The following NDUFS6 variants were observed in gnomAD, a reference collection of about 807,000 sequenced individuals.
NDUFS6 encodes NADH:ubiquinone oxidoreductase subunit S6.
In NDUFS6, 14 loss-of-function variants were observed where a neutral mutation model predicts 13.2. The ratio of observed to expected loss-of-function variants is 1.06; its 90% CI spans 0.70 to 1.66. The LOEUF (loss-of-function observed/expected upper bound fraction) is 1.66. Ranked by LOEUF, NDUFS6 falls within the 40% of genes most tolerant of loss-of-function variation. NDUFS6 has a pLI of 0.00. For synonymous variants in NDUFS6, 95 were observed against 72.3 expected, an observed-to-expected ratio of 1.31 and a Z score of -1.60; for missense variants, 206 against 170.8, an observed-to-expected ratio of 1.21 and a Z score of -1.15.
intron 2 of NDUFS6, among the ~76,000 whole-genome samples, chr5:1,803,328 A>C (rs1426545207): frequency 1.3e-5 from 2 of 152,190 alleles, no homozygotes; most frequent in Non-Finnish European, 2.9e-5. Context: ...ATAGTGGTTG[A>C]TTATTTGGCA....
At chr5:1,803,956 G>A (rs1161845684) in intron 2 of NDUFS6, among the ~76,000 whole-genome samples, 1 of 152,140 alleles carries the variant, frequency 6.6e-6, no homozygotes, top group East Asian at 1.9e-4. Context: ...TGTGGATGCG[G>A]TATGGTTTCT....
At chr5:1,809,565 A>C (rs137982820) in intron 2 of NDUFS6, among the ~76,000 whole-genome samples, 1 of 152,194 alleles carries the variant, frequency 6.6e-6, no homozygotes, top group African/African-American at 2.4e-5. Flanking sequence ...TGAGCTGCGC[A>C]CACTAAATGA....
Position 1,814,813 on chromosome 5 carries a change from C to T in NDUFS6, c.309+352C>T. 1.5e-6 allele frequency: 1 copy of T among 649,456 alleles called. No individual in the cohort carries two copies. The highest frequency in any genetic ancestry group is 2.8e-6 in the Non-Finnish European group (1 of 359,874). 40.2% of individuals were successfully genotyped at this position (649,456 alleles called of 1,614,324 possible). On this transcript the variant is annotated intron_variant, in intron 3 of 3. Coordinates refer to ENST00000274137, the MANE Select transcript of NDUFS6 (RefSeq NM_004553.6). The surrounding 1 kb of genome is among the most constrained non-coding windows in gnomAD (Gnocchi z 4.9). ...TCGAAAACAACAAACACATTTCCCA[C>T]AGCGCTGGAGGCTGCAGCCCAAGAC... is the stretch of plus-strand genomic sequence containing the variant.
At chr5:1,807,086 A>G (rs960035565) in intron 2 of NDUFS6, among the ~76,000 whole-genome samples, 2 of 49,544 alleles carry the variant, frequency 4.0e-5, no homozygotes, top group Admixed American at 4.8e-4. Flanking sequence ...AGGGACCAGA[A>G]CAGTCGCTTC....
In NDUFS6 at chr5:1,814,683, G is replaced by C; in HGVS notation, c.309+222G>C. 1.3e-6 allele frequency: 1 copy of C among 750,244 alleles called. No homozygotes were observed. Among genetic ancestry groups the C allele is most frequent in the Non-Finnish European group, 2.3e-6 (1 of 428,594 alleles). The allele number at this position is 750,244 out of a possible 1,614,324, so 46.5% of individuals were successfully genotyped here. A position where few individuals can be genotyped will look rare whatever the true frequency, so the allele number is the denominator to read the frequency against. On this transcript the variant is annotated intron_variant, in intron 3 of 3. Coordinates refer to ENST00000274137, the MANE Select transcript of NDUFS6 (RefSeq NM_004553.6). This position sits in a 1 kb window ranked among gnomAD's most constrained non-coding sequence, Gnocchi z 4.9. ...CCTTTCAACTGTGAAGTGGTGGGCG[G>C]CATGTTTCTCTTCTCGGACGCCCAA...
intron 2 of NDUFS6, among the ~76,000 whole-genome samples, chr5:1,804,455 C>G (rs537138205): frequency 1.3e-5 from 2 of 152,342 alleles, no homozygotes; most frequent in African/African-American, 4.8e-5. Context: ...GGCAGCTCAC[C>G]CAGGGCGTCC....
intron 2 of NDUFS6, among the ~76,000 whole-genome samples, chr5:1,812,824 G>T (rs1002682625): frequency 6.6e-6 from 1 of 151,654 alleles, no homozygotes; most frequent in African/African-American, 2.4e-5. Flanking sequence ...AGGCCGAGGC[G>T]GGCGGATCAC....
At chr5:1,806,608 T>G (rs1307983455) in intron 2 of NDUFS6, among the ~76,000 whole-genome samples, 1 of 134,372 alleles carries the variant, frequency 7.4e-6, no homozygotes, top group Admixed American at 7.3e-5. Flanking sequence ...TGGAAATAAT[T>G]GAGTAGTGCT....
At chr5:1,801,746 G>C (rs1239057789) in intron 1 of NDUFS6, among the ~76,000 whole-genome samples, 197 bp downstream of exon 1, 2 of 152,238 alleles carry the variant, frequency 1.3e-5, no homozygotes, top group Non-Finnish European at 2.9e-5. Context: ...GGTGGGTCTC[G>C]TCCTTCCAGG....
chr5:1,805,058 A>G (rs1266744158), intron 2 of NDUFS6, among the ~76,000 whole-genome samples: 1 of 152,242 alleles, frequency 6.6e-6, no homozygotes, highest in Admixed American at 6.5e-5. Flanking sequence ...GGCCAGGCAC[A>G]GTAGGCTTAT....
In NDUFS6 at chr5:1,807,980, A is replaced by G. The variant is rs189306149; in HGVS notation, c.186+5606A>G. Among the ~76,000 whole-genome samples, 31 of 152,222 alleles carry G rather than the reference A, an allele frequency of 2.0e-4. No homozygotes were observed. The East Asian group carries it at 5.8e-3, about 28-fold the overall frequency. ...GTGCCGCTGGAGCTCCAGGTGGGAG[A>G]CAGGACTGGGAGTCGGGGATGGGTG... On this transcript the variant is annotated intron_variant, in intron 2 of 3. Coordinates refer to ENST00000274137, the MANE Select transcript of NDUFS6 (RefSeq NM_004553.6).
intron 2 of NDUFS6, among the ~76,000 whole-genome samples, chr5:1,809,622 C>G (rs1233924038): frequency 6.6e-6 from 1 of 152,240 alleles, no homozygotes; most frequent in African/African-American, 2.4e-5. Flanking sequence ...CGTCAGCAGC[C>G]CTCCCTGCAG....
At chr5:1,802,520 T>G in intron 2 of NDUFS6, 146 bp downstream of exon 2, 1 of 630,120 alleles carries the variant, frequency 1.6e-6, no homozygotes, top group Non-Finnish European at 2.7e-6. Context: ...TCTTCCTTTC[T>G]TAAAATCTTA....
intron 2 of NDUFS6, among the ~76,000 whole-genome samples, chr5:1,810,421 C>G (rs1449390892): frequency 6.6e-6 from 1 of 152,200 alleles, no homozygotes; most frequent in Non-Finnish European, 1.5e-5. Flanking sequence ...TTCTTCGTGC[C>G]TTGTCTTCCT....
chr5:1,807,348 G>A (rs1331536632), intron 2 of NDUFS6, among the ~76,000 whole-genome samples: 3 of 152,210 alleles, frequency 2.0e-5, no homozygotes, highest in African/African-American at 7.2e-5. Flanking sequence ...GGAAGGTTCT[G>A]GAGATGGGTG....
chr5:1,806,192 T>G (rs1331185660), intron 2 of NDUFS6, among the ~76,000 whole-genome samples: 1 of 152,268 alleles, frequency 6.6e-6, no homozygotes, highest in Non-Finnish European at 1.5e-5. Context: ...CTGGGATCCC[T>G]TGAGTGCGAC....
At chr5:1,804,158 A>G (rs1345194386) in intron 2 of NDUFS6, among the ~76,000 whole-genome samples, 2 of 152,204 alleles carry the variant, frequency 1.3e-5, no homozygotes, top group Admixed American at 6.5e-5. Context: ...GGGGCAAGGT[A>G]GGAGCCCCAG....
chr5:1,801,448 C>A lies in NDUFS6; in HGVS notation c.31C>A (p.Leu11Met). Residue 11 changes from leucine to methionine, a missense_variant, in exon 1 of 4, where the codon CTG becomes ATG. Physicochemically the swap from Leu to Met is conservative, Grantham distance 15 (BLOSUM62 2). Transcript: ENST00000274137. Reference sequence around the variant, plus strand: ...GGCGGCGATGACCTTCTGCCGGCTGCTGAACCGGTGTGGCGAGGCGGCGCG... The same window carrying A: ...GGCGGCGATGACCTTCTGCCGGCTGATGAACCGGTGTGGCGAGGCGGCGCG... MAAAMTFCRL[L>M]NRCGEAARSL... 5 of 1,605,118 alleles carry A rather than the reference C, an allele frequency of 3.1e-6. No homozygotes were observed. The highest frequency in any genetic ancestry group is 4.2e-6 in the Non-Finnish European group (5 of 1,178,674).
At chr5:1,803,577 T>G (rs1432471881) in intron 2 of NDUFS6, among the ~76,000 whole-genome samples, 1 of 152,236 alleles carries the variant, frequency 6.6e-6, no homozygotes, top group Admixed American at 6.5e-5. Flanking sequence ...GTGAATATTT[T>G]TAATTGAATC....
Sources: allele counts gnomAD v4.1 joint callset (sites outside exome capture counted in the v4.1 genomes callset), GRCh38; gene constraint gnomAD v4.1.1; non-coding constraint Gnocchi (gnomAD v3.1); transcripts MANE v1.5; gene names NCBI Gene and HGNC (gene_info 2026-07-23, HGNC 2026-07-21).